Variants in PALS2 observed in about 807,000 individuals in gnomAD.
PALS2 encodes the protein protein associated with LIN7 2, MAGUK p55 family member, also known as protein PALS2.
A neutral mutation model predicts 61.6 loss-of-function variants in PALS2; 27 were observed. That is an observed-to-expected ratio of 0.44 (90% confidence interval 0.32 to 0.60). PALS2 has a LOEUF of 0.60. PALS2 is among the 20% of genes least tolerant of loss of function. The pLI is 0.05. For synonymous variants in PALS2, 236 were observed against 218.6 expected, an observed-to-expected ratio of 1.08 and a Z score of -0.70; for missense variants, 554 against 639.4, an observed-to-expected ratio of 0.87 and a Z score of 1.44.
At chr7:24,595,949 A>G (rs1774520647) in intron 1 of PALS2, among the ~76,000 whole-genome samples, 1 of 151,870 alleles carries the variant, frequency 6.6e-6, no homozygotes, top group African/African-American at 2.4e-5. Flanking sequence ...GTTTGAAAAC[A>G]GAAAGGAGCC....
intron 9 of PALS2, among the ~76,000 whole-genome samples, chr7:24,672,724 A>G (rs374077721): frequency 6.6e-6 from 1 of 152,174 alleles, no homozygotes; most frequent in Non-Finnish European, 1.5e-5. Flanking sequence ...GTGTACAGAA[A>G]TAAACTGATT....
At position 24,678,713 on chromosome 7, in the gene PALS2, A is replaced by T. The variant is rs562493183; in HGVS notation, c.1115-418A>T. On this transcript the variant is annotated intron_variant, in intron 9 of 11. Coordinates refer to ENST00000222644, the MANE Select transcript of PALS2 (RefSeq NM_001303037.2). Reference sequence around the variant, plus strand: ...AACACTTACCATAATTAAGAACTTCATTGAAGGCTCTGCTGCTAGGTAAAT... The same window carrying T: ...AACACTTACCATAATTAAGAACTTCTTTGAAGGCTCTGCTGCTAGGTAAAT... Among the ~76,000 whole-genome samples the T allele has an allele frequency of 4.5e-4, 68 of 152,310 alleles. 1 individual carries two copies. The highest frequency in any genetic ancestry group is 9.1e-4 in the African/African-American group (38 of 41,576).
At chr7:24,625,874 A>T (rs931646638) in intron 2 of PALS2, among the ~76,000 whole-genome samples, 1 of 152,180 alleles carries the variant, frequency 6.6e-6, no homozygotes, top group Admixed American at 6.6e-5. Flanking sequence ...GGTTAAAAAA[A>T]ATCCCAGGAA....
intron 3 of PALS2, among the ~76,000 whole-genome samples, 166 bp downstream of exon 3, chr7:24,642,034 T>C (rs1039315823): frequency 2.6e-5 from 4 of 152,184 alleles, no homozygotes; most frequent in African/African-American, 9.6e-5. Flanking sequence ...GCTGAGGATA[T>C]ATAAAGAGAC....
chr7:24,622,972 G>T (rs1324036768), intron 1 of PALS2, among the ~76,000 whole-genome samples: 3 of 151,888 alleles, frequency 2.0e-5, no homozygotes, highest in Non-Finnish European at 4.4e-5. Context: ...AATAGAGTCT[G>T]TTGAGTTTTT....
Position 24,679,236 on chromosome 7 carries a change from A to G in PALS2, c.1220A>G (p.His407Arg), listed in dbSNP as rs1241537851. 6.2e-7 allele frequency: 1 copy of G among 1,614,078 alleles called. No homozygotes were observed. The part of the protein sequence containing the change: ...ADIKAGKYLE[H>R]GEYEGNLYGT... ...ATTAAAGCTGGAAAGTATTTGGAACATGGGGAATATGAAGGAAATCTCTAT... is the reference window on the plus strand; with the variant it reads ...ATTAAAGCTGGAAAGTATTTGGAACGTGGGGAATATGAAGGAAATCTCTAT... Residue 407 changes from histidine to arginine, a missense_variant, in exon 10 of 12, where the codon CAT becomes CGT. Transcript: ENST00000222644.
chr7:24,605,197 A>G (rs1193791241), intron 1 of PALS2, among the ~76,000 whole-genome samples: 3 of 152,206 alleles, frequency 2.0e-5, no homozygotes, highest in Non-Finnish European at 4.4e-5. Context: ...TCATAGTCAC[A>G]ACTTTGTTAT....
intron 2 of PALS2, among the ~76,000 whole-genome samples, chr7:24,640,298 C>T (rs1256392256): frequency 6.6e-6 from 1 of 151,876 alleles, no homozygotes; most frequent in Non-Finnish European, 1.5e-5. Context: ...TTCTTTTCCA[C>T]TTAAGAACTT....
intron 1 of PALS2, among the ~76,000 whole-genome samples, chr7:24,604,242 AAAAG>A (rs1273908757): frequency 6.6e-6 from 1 of 151,562 alleles, no homozygotes; most frequent in Non-Finnish European, 1.5e-5. Flanking sequence ...AAAAAAGGAA[AAAAG>A]AAAAATATGT....
At chr7:24,659,879 C>T (rs1196489176) in intron 5 of PALS2, among the ~76,000 whole-genome samples, 1 of 152,166 alleles carries the variant, frequency 6.6e-6, no homozygotes, top group Non-Finnish European at 1.5e-5. Flanking sequence ...TCTGTGCAGC[C>T]TTTCCTCACT....
rs962644874 is a variant in PALS2 at position 24,694,040 on chromosome 7, G to C, written c.*6426G>C. The C allele has an allele frequency of 7.2e-5, 11 of 151,918 alleles. No individual in the cohort carries two copies. The highest frequency in any genetic ancestry group is 2.7e-4 in the African/African-American group (11 of 41,368). The allele number at this position is 151,918 out of a possible 1,614,324, so 9.4% of individuals were successfully genotyped here. On this transcript the variant is annotated 3_prime_UTR_variant, in exon 12 of 12. Coordinates refer to ENST00000222644, the MANE Select transcript of PALS2 (RefSeq NM_001303037.2). Reference sequence around the variant, plus strand: ...AGGGCAGAATGCTTGTTAGCAATCTGAAAATCAAAGCTGAACAAGCTGCTT... The same window carrying C: ...AGGGCAGAATGCTTGTTAGCAATCTCAAAATCAAAGCTGAACAAGCTGCTT...
rs182856937 is a variant in PALS2, at chr7:24,622,470, T to A, written c.-2-1196T>A. On this transcript the variant is annotated intron_variant, in intron 1 of 11. Transcript: ENST00000222644. ...TTTCTTAATTTCATTTTTGGATTGT[T>A]TGTCACCAGTGTATAGAAATACACT... Among the ~76,000 whole-genome samples, 8 of 151,424 alleles carry A rather than the reference T, an allele frequency of 5.3e-5. No homozygotes were observed. In the East Asian group the frequency reaches 1.5e-3, roughly 28 times the overall value.
intron 1 of PALS2, among the ~76,000 whole-genome samples, chr7:24,578,422 T>C (rs1388158761): frequency 6.6e-6 from 1 of 152,258 alleles, no homozygotes; most frequent in Non-Finnish European, 1.5e-5. Context: ...AACAGGCCTC[T>C]TTTGGCCATA....
At position 24,680,427 on chromosome 7, in the gene PALS2, C is replaced by T. The variant is rs969410396; in HGVS notation, c.1353C>T (p.Pro451=). Residue 451 remains proline (P), a synonymous_variant, in exon 11 of 12, where the codon CCC becomes CCT. Transcript: ENST00000222644. ...TATTGAGGACATCAGAGTTTATGCC[C>T]TATGTGGTATTTATTGCGGCTCCGG... is the stretch of plus-strand genomic sequence containing the variant. The part of the protein sequence containing the change: ...LKVLRTSEFM[P]YVVFIAAPEL... The T allele has an allele frequency of 1.2e-6, 2 of 1,613,354 alleles. No homozygotes were observed. Among genetic ancestry groups the T allele is most frequent in the Non-Finnish European group, 1.7e-6 (2 of 1,179,422 alleles).
intron 6 of PALS2, among the ~76,000 whole-genome samples, chr7:24,665,083 G>A (rs1786945370): frequency 6.6e-6 from 1 of 151,986 alleles, no homozygotes; most frequent in Admixed American, 6.6e-5. Flanking sequence ...TTTTACATTA[G>A]GTGAAGTTTC....
intron 2 of PALS2, 144 bp downstream of exon 2, chr7:24,623,928 T>C (rs1784628923): frequency 2.1e-6 from 2 of 968,072 alleles, no homozygotes; most frequent in Admixed American, 2.6e-5. Context: ...TAATGAAATC[T>C]TAACATATGC....
At chr7:24,650,850 T>C (rs1411497333) in intron 5 of PALS2, 138 bp downstream of exon 5, 1 of 623,664 alleles carries the variant, frequency 1.6e-6, no homozygotes, top group Non-Finnish European at 2.6e-6. Context: ...TGGCTTATTT[T>C]GTCATGGGTG....
Position 24,650,602 on chromosome 7 carries a change from C to T in PALS2, c.541C>T (p.His181Tyr). The T allele has an allele frequency of 6.2e-7, 1 of 1,611,952 alleles. No individual in the cohort carries two copies. The highest frequency in any genetic ancestry group is 8.5e-7 in the Non-Finnish European group (1 of 1,178,400). ...VGDIIKEVNGHEVGNNPKELQ... is the reference protein window; with the variant it reads ...VGDIIKEVNGYEVGNNPKELQ... Reference sequence around the variant, plus strand: ...AGATATAATTAAAGAAGTCAATGGCCATGAGGTTGGAAATAATCCAAAGGA... The same window carrying T: ...AGATATAATTAAAGAAGTCAATGGCTATGAGGTTGGAAATAATCCAAAGGA... Residue 181 changes from histidine to tyrosine, a missense_variant, in exon 5 of 12, where the codon CAT becomes TAT. His to Tyr is a moderately conservative substitution (Grantham distance 83). Transcript: ENST00000222644.
Position 24,650,560 on chromosome 7 carries a change from G to T in PALS2, c.499G>T (p.Gly167Cys). 1 of 1,613,530 alleles carries T rather than the reference G, an allele frequency of 6.2e-7. No homozygotes were observed. Among genetic ancestry groups the T allele is most frequent in the Non-Finnish European group, 8.5e-7 (1 of 1,179,700 alleles). ...CCATGGGGGAATGATAGATCGACAAGGTCTACTTCATGTGGGAGATATAAT... is the reference window on the plus strand; with the variant it reads ...CCATGGGGGAATGATAGATCGACAATGTCTACTTCATGTGGGAGATATAAT... ...ILHGGMIDRQGLLHVGDIIKE... is the reference protein window; with the variant it reads ...ILHGGMIDRQCLLHVGDIIKE... Residue 167 changes from glycine to cysteine, a missense_variant, in exon 5 of 12, where the codon GGT becomes TGT. Gly to Cys is a radical substitution (Grantham distance 159, BLOSUM62 -3). Transcript: ENST00000222644.
Sources: gnomAD v4.1 joint callset for allele counts (sites outside exome capture counted in the v4.1 genomes callset) on GRCh38, gnomAD v4.1.1 for gene constraint, MANE v1.5 for transcripts, NCBI Gene and HGNC (gene_info 2026-07-23, HGNC 2026-07-21) for gene names.